The following CNTNAP5 variants were observed in gnomAD, a reference collection of about 807,000 sequenced individuals.
CNTNAP5 encodes the protein contactin-associated protein-like 5.
Under a neutral mutation model 150.2 loss-of-function variants are expected in CNTNAP5, and 72 were observed. That is an observed-to-expected ratio of 0.48 (90% CI 0.40 to 0.58). CNTNAP5 has a LOEUF of 0.58. CNTNAP5 is among the 20% of genes least tolerant of loss of function. The pLI is 0.00. For missense variants in CNTNAP5, 1,636 were observed against 1,626.2 expected (o/e 1.01, Z -0.10); for synonymous variants, 672 against 619.8 (o/e 1.08, Z -1.25).
chr2:124,844,480 G>A (rs1320194738), intron 19 of CNTNAP5, among the ~76,000 whole-genome samples: 1 of 152,000 alleles, frequency 6.6e-6, no homozygotes, highest in Non-Finnish European at 1.5e-5. Context: ...GCTTAGTCTT[G>A]CTTTGCCTAT....
At position 124,609,439 on chromosome 2, in the gene CNTNAP5, A is replaced by T. The variant is rs10202237; in HGVS notation, c.1757-362A>T. ...CCCCATCTCTATAAACATTTTTTTA[A>T]AAAAATTAGTCAGGGTGGTGGCTCA... is the stretch of plus-strand genomic sequence containing the variant. On this transcript the variant is annotated intron_variant, in intron 11 of 23. Coordinates refer to ENST00000682447, the MANE Select transcript of CNTNAP5 (RefSeq NM_001367498.1). 5.6e-3 allele frequency among the ~76,000 whole-genome samples: 848 copies of T among 152,084 alleles called. 4 individuals are homozygous for T. The highest frequency in any genetic ancestry group is 7.0e-3 in the African/African-American group (290 of 41,500).
At chr2:124,570,336 A>G (rs1475535126) in intron 11 of CNTNAP5, among the ~76,000 whole-genome samples, 1 of 152,178 alleles carries the variant, frequency 6.6e-6, no homozygotes, top group Non-Finnish European at 1.5e-5. Context: ...GAGCACCGAC[A>G]ACGGCCTTGC....
intron 19 of CNTNAP5, among the ~76,000 whole-genome samples, chr2:124,815,671 C>A (rs1307476607): frequency 1.3e-5 from 2 of 152,084 alleles, no homozygotes; most frequent in African/African-American, 4.8e-5. Flanking sequence ...GAAATACATG[C>A]TGAAAATAGC....
intron 13 of CNTNAP5, among the ~76,000 whole-genome samples, chr2:124,746,223 A>T (rs1680600007): frequency 6.6e-6 from 1 of 152,210 alleles, no homozygotes; most frequent in African/African-American, 2.4e-5. Context: ...CAGCCTAATG[A>T]TGTATAACAC....
At chr2:124,401,778 A>G (rs1413470103) in intron 3 of CNTNAP5, among the ~76,000 whole-genome samples, 1 of 152,208 alleles carries the variant, frequency 6.6e-6, no homozygotes, top group Non-Finnish European at 1.5e-5. Flanking sequence ...ATATAGAAGT[A>G]ATAACTTTCA....
intron 10 of CNTNAP5, among the ~76,000 whole-genome samples, chr2:124,539,142 A>G (rs2104904106): frequency 6.6e-6 from 1 of 152,308 alleles, no homozygotes; most frequent in South Asian, 2.1e-4. Context: ...TTCAGTTGGG[A>G]AAAAGGCAGG....
intron 11 of CNTNAP5, among the ~76,000 whole-genome samples, chr2:124,569,727 C>A (rs1459183377): frequency 1.3e-5 from 2 of 152,190 alleles, no homozygotes; most frequent in Non-Finnish European, 2.9e-5. Flanking sequence ...CATTTTTCAG[C>A]TTTGCAGAAG....
chr2:124,150,494 G>C (rs1012285924), intron 1 of CNTNAP5, among the ~76,000 whole-genome samples: 11 of 152,268 alleles, frequency 7.2e-5, no homozygotes, highest in Non-Finnish European at 1.2e-4. Flanking sequence ...AAATACCATA[G>C]ACTTGTGTGG....
intron 12 of CNTNAP5, among the ~76,000 whole-genome samples, chr2:124,644,932 T>C (rs1256153605): frequency 6.6e-6 from 1 of 151,932 alleles, no homozygotes; most frequent in Admixed American, 6.5e-5. Context: ...ACACACTGTG[T>C]GTGGTGGATT....
chr2:124,255,963 T>C (rs1056588171), intron 3 of CNTNAP5, among the ~76,000 whole-genome samples: 10 of 152,168 alleles, frequency 6.6e-5, no homozygotes, highest in Non-Finnish European at 1.5e-4. Flanking sequence ...AGTCACAAGA[T>C]TGTTTGAAAA....
intron 20 of CNTNAP5, among the ~76,000 whole-genome samples, chr2:124,867,826 C>T (rs1211172778): frequency 6.6e-6 from 1 of 152,176 alleles, no homozygotes. Flanking sequence ...AGACCTTATA[C>T]CAACTACCTA....
intron 18 of CNTNAP5, among the ~76,000 whole-genome samples, chr2:124,796,488 A>G (rs1483376464): frequency 6.6e-6 from 1 of 152,230 alleles, no homozygotes; most frequent in African/African-American, 2.4e-5. Flanking sequence ...GCATATTTTT[A>G]TAAACAGGAG....
chr2:124,473,611 A>G (rs1311795159), intron 6 of CNTNAP5, among the ~76,000 whole-genome samples: 1 of 151,984 alleles, frequency 6.6e-6, no homozygotes, highest in African/African-American at 2.4e-5. Flanking sequence ...CTCCTGAAAC[A>G]TTAAGACAGA....
chr2:124,321,323 A>T (rs2104669141), intron 3 of CNTNAP5, among the ~76,000 whole-genome samples: 1 of 152,072 alleles, frequency 6.6e-6, no homozygotes, highest in Non-Finnish European at 1.5e-5. Flanking sequence ...CATATCTGTA[A>T]TCCCACCTAC....
At chr2:124,832,977 T>G (rs2104683281) in intron 19 of CNTNAP5, among the ~76,000 whole-genome samples, 1 of 150,954 alleles carries the variant, frequency 6.6e-6, no homozygotes, top group South Asian at 2.1e-4. Context: ...TGGCACAATC[T>G]CAGTTCACTG....
chr2:124,089,718 C>T (rs1682772378), intron 1 of CNTNAP5, among the ~76,000 whole-genome samples: 1 of 152,196 alleles, frequency 6.6e-6, no homozygotes, highest in African/African-American at 2.4e-5. Flanking sequence ...ATTTTCTGCT[C>T]CCATAAAAGG....
rs772052519 is a variant in CNTNAP5, at chr2:124,242,193, G to A, written c.188-7G>A. 1 of 1,577,708 alleles carries A rather than the reference G, an allele frequency of 6.3e-7. No individual in the cohort carries two copies. Among genetic ancestry groups the A allele is most frequent in the East Asian group, 2.3e-5 (1 of 43,014 alleles). On this transcript the variant is annotated splice_polypyrimidine_tract_variant and splice_region_variant and intron_variant, in intron 2 of 23. Coordinates refer to ENST00000682447, the MANE Select transcript of CNTNAP5 (RefSeq NM_001367498.1). ...ACTCTCTCTCACTCTCTCTGATCCT[G>A]TTCCAGGAACTGGCGGTTGGTCCCC...
At chr2:124,888,280 A>G (rs1460502627) in intron 21 of CNTNAP5, among the ~76,000 whole-genome samples, 3 of 152,162 alleles carry the variant, frequency 2.0e-5, no homozygotes, top group East Asian at 3.9e-4. Context: ...ACTTGATTTC[A>G]TTCTGTTTTA....
rs1258684770 is a variant in CNTNAP5, at chr2:124,609,874, T to C, written c.1830T>C (p.Asp610=). Residue 610 remains aspartate, a synonymous_variant, in exon 12 of 24, where the codon GAT becomes GAC. Transcript: ENST00000682447. Reference sequence around the variant, plus strand: ...CCGGCTTCTTCTACATCGACTCAGATGGCAGCGGCCCACTGGGACCTCTCC... The same window carrying C: ...CCGGCTTCTTCTACATCGACTCAGACGGCAGCGGCCCACTGGGACCTCTCC... ...NTAGFFYIDS[D]GSGPLGPLQV... The C allele has an allele frequency of 2.4e-5, 39 of 1,613,970 alleles. No homozygotes were observed. The highest frequency in any genetic ancestry group is 3.1e-5 in the Non-Finnish European group (37 of 1,179,868).
Sources: gnomAD v4.1 joint callset for allele counts (sites outside exome capture counted in the v4.1 genomes callset) on GRCh38, gnomAD v4.1.1 for gene constraint, MANE v1.5 for transcripts, NCBI Gene and HGNC (gene_info 2026-07-23, HGNC 2026-07-21) for gene names.